NREP: variants seen among roughly 807,000 people sequenced by gnomAD.
NREP encodes neuronal regeneration related protein, also known as neuronal regeneration-related protein.
In NREP, 5 loss-of-function variants were observed where a neutral mutation model predicts 8.6. That is an observed-to-expected ratio of 0.58 (90% CI 0.30 to 1.22). NREP has a LOEUF of 1.22. Among genes scored for constraint, NREP ranks in the 50% most tolerant of loss-of-function variants. NREP has a pLI of 0.07. For missense variants in NREP, 86 were observed against 82.5 expected (o/e 1.04, Z -0.17); for synonymous variants, 27 against 28.0 (o/e 0.96, Z 0.11).
intron 2 of NREP, among the ~76,000 whole-genome samples, chr5:111,809,755 T>C (rs895367747): frequency 1.7e-4 from 26 of 152,136 alleles, no homozygotes; most frequent in Admixed American, 2.6e-4. Flanking sequence ...TTAAAATAAA[T>C]TACCCCATTT....
At chr5:111,736,882 T>G (rs1048008031) in intron 2 of NREP, among the ~76,000 whole-genome samples, 1 of 152,196 alleles carries the variant, frequency 6.6e-6, no homozygotes, top group African/African-American at 2.4e-5. Flanking sequence ...AAACTCACAC[T>G]AGGTTTCCAG....
At chr5:111,793,337 T>C (rs1222076574) in intron 2 of NREP, among the ~76,000 whole-genome samples, 1 of 151,970 alleles carries the variant, frequency 6.6e-6, no homozygotes, top group East Asian at 1.9e-4. Flanking sequence ...GCTAGCAGTG[T>C]AATTTAGTAT....
At chr5:111,885,829 A>AATTAAAGAC (rs1285379689) in intron 2 of NREP, among the ~76,000 whole-genome samples, 1 of 152,136 alleles carries the variant, frequency 6.6e-6, no homozygotes, top group Non-Finnish European at 1.5e-5. Context: ...ATTCAAGATG[A>AATTAAAGAC]ATTAAAGACT....
upstream of NREP, among the ~76,000 whole-genome samples, chr5:111,762,376 T>C (rs916519500): frequency 1.3e-5 from 2 of 152,088 alleles, no homozygotes; most frequent in Admixed American, 6.5e-5. Flanking sequence ...GTAGCTATCT[T>C]TGAGTAATTT....
chr5:111,788,821 C>T (rs1043295556), intron 2 of NREP, among the ~76,000 whole-genome samples: 2 of 152,178 alleles, frequency 1.3e-5, no homozygotes, highest in African/African-American at 4.8e-5. Context: ...GCATTTAAAT[C>T]CATGGACTGA....
chr5:111,829,945 G>A (rs1413678594), intron 2 of NREP, among the ~76,000 whole-genome samples: 15 of 152,146 alleles, frequency 9.9e-5, no homozygotes. Context: ...CAGTGCTGAT[G>A]AAAGTGACTC....
intron 2 of NREP, among the ~76,000 whole-genome samples, chr5:111,963,640 A>T (rs1055919429): frequency 6.6e-6 from 1 of 152,218 alleles, no homozygotes; most frequent in African/African-American, 2.4e-5. Context: ...CAAATTTCAA[A>T]CAGTTTGTAC....
chr5:111,862,764 C>G (rs971532799), intron 2 of NREP, among the ~76,000 whole-genome samples: 1 of 151,508 alleles, frequency 6.6e-6, no homozygotes, highest in Non-Finnish European at 1.5e-5. Flanking sequence ...AGACGACAGA[C>G]AAAACTACCC....
At chr5:111,823,613 A>T (rs980158304) in intron 2 of NREP, among the ~76,000 whole-genome samples, 1 of 152,250 alleles carries the variant, frequency 6.6e-6, no homozygotes, top group Admixed American at 6.5e-5. Context: ...TAAAAATATT[A>T]ACTAGGATTG....
At chr5:111,935,816 G>C (rs1436962809) in intron 2 of NREP, among the ~76,000 whole-genome samples, 2 of 151,994 alleles carry the variant, frequency 1.3e-5, no homozygotes, top group Non-Finnish European at 2.9e-5. Context: ...CACCTTGATA[G>C]GAGGCTGTAC....
At chr5:111,788,220 T>A (rs1449673945) in intron 2 of NREP, among the ~76,000 whole-genome samples, 1 of 152,236 alleles carries the variant, frequency 6.6e-6, no homozygotes, top group Non-Finnish European at 1.5e-5. Flanking sequence ...TTTACTTTTG[T>A]AGGTTCAATG....
intron 2 of NREP, among the ~76,000 whole-genome samples, chr5:111,963,040 G>C (rs749535007): frequency 6.6e-6 from 1 of 152,244 alleles, no homozygotes; most frequent in African/African-American, 2.4e-5. Context: ...CTGGCCATTT[G>C]CCCTTGCTGG....
At chr5:111,738,617 G>C (rs1261180397) in intron 2 of NREP, 1 of 93,102 alleles carries the variant, frequency 1.1e-5, no homozygotes. Context: ...TGTGGGAATT[G>C]CAAGAGAAAC....
At chr5:111,743,058 G>C (rs1749781215) in intron 2 of NREP, among the ~76,000 whole-genome samples, 1 of 152,120 alleles carries the variant, frequency 6.6e-6, no homozygotes. Context: ...AGTACAAATG[G>C]CTGGTAACAG....
intron 2 of NREP, among the ~76,000 whole-genome samples, chr5:111,908,316 T>G (rs1754825653): frequency 6.6e-6 from 1 of 152,038 alleles, no homozygotes; most frequent in Non-Finnish European, 1.5e-5. Context: ...AGGGGGTATA[T>G]GTGTAGGTTT....
intron 2 of NREP, among the ~76,000 whole-genome samples, chr5:111,776,953 C>G (rs138296242): frequency 5.3e-3 from 637 of 120,932 alleles, no homozygotes; most frequent in Non-Finnish European, 8.4e-3. Context: ...GGTTATACCT[C>G]AATGAAAAAG....
intron 2 of NREP, among the ~76,000 whole-genome samples, chr5:111,933,124 T>C (rs1457743970): frequency 6.6e-6 from 1 of 152,106 alleles, no homozygotes; most frequent in African/African-American, 2.4e-5. Flanking sequence ...TAAACCACCC[T>C]TTAAGACTTC....
At chr5:111,963,663 G>A (rs192970598) in intron 2 of NREP, among the ~76,000 whole-genome samples, 40 of 152,258 alleles carry the variant, frequency 2.6e-4, no homozygotes, top group African/African-American at 9.4e-4. Context: ...AAGACCAGTA[G>A]TTTGTGAGCT....
At chr5:111,888,904 G>C (rs1055493821) in intron 2 of NREP, among the ~76,000 whole-genome samples, 8 of 152,156 alleles carry the variant, frequency 5.3e-5, no homozygotes, top group African/African-American at 1.9e-4. Context: ...ACTGCAAAGA[G>C]AACAAGAGTG....
Sources: allele counts gnomAD v4.1 joint callset (sites outside exome capture counted in the v4.1 genomes callset), GRCh38; gene constraint gnomAD v4.1.1; transcripts MANE v1.5; gene names NCBI Gene and HGNC (gene_info 2026-07-23, HGNC 2026-07-21).